The following ICE2 variants were observed in gnomAD, a reference collection of about 807,000 sequenced individuals.
ICE2 encodes interactor of little elongation complex ELL subunit 2, also known as little elongation complex subunit 2.
ICE2 carries 87 observed loss-of-function variants against 105.4 expected under a neutral mutation model. The observed-to-expected ratio is 0.83, with a 90% confidence interval of 0.69 to 0.99. ICE2 has a LOEUF of 0.99. ICE2 is among the 50% of genes least tolerant of loss of function. The probability of loss-of-function intolerance (pLI) is 0.00; values close to 1 mark genes in which losing one functional copy is unlikely to be tolerated. For missense variants in ICE2, 1,323 were observed against 1,146.7 expected (o/e 1.15, Z -2.22); for synonymous variants, 399 against 392.0 (o/e 1.02, Z -0.21).
chr15:60,434,520 TACACACACACACACACAC>T (rs71122858), intron 13 of ICE2, among the ~76,000 whole-genome samples: 11,965 of 144,892 alleles, frequency 0.083, 708 homozygotes, highest in South Asian at 0.15. Context: ...AAAATGTGAT[TACACACACACACACACAC>T]ACACACACAC....
rs1413482039 is a variant in ICE2 at position 60,448,159 on chromosome 15, A to T, written c.2120-14T>A. Reference sequence around the variant, plus strand: ...CATATGGCAATCCTTTAAAAATAGTATTTCTCATTTTTAAAATACATTAGC... The same window carrying T: ...CATATGGCAATCCTTTAAAAATAGTTTTTCTCATTTTTAAAATACATTAGC... On this transcript the variant is annotated splice_polypyrimidine_tract_variant and intron_variant, in intron 10 of 15. Transcript: ENST00000261520. 6.4e-7 allele frequency: 1 copy of T among 1,561,746 alleles called. No homozygotes were observed. Among genetic ancestry groups the T allele is most frequent in the South Asian group, 1.1e-5 (1 of 88,290 alleles).
At position 60,449,499 on chromosome 15, in the gene ICE2, C is replaced by T. The variant is rs1350055492; in HGVS notation, c.1468G>A (p.Glu490Lys). Reference sequence around the variant, plus strand: ...GAATTTGATACCTTTTCACATGATTCAAATCCCTGATCATCTTTATTTTTG... The same window carrying T: ...GAATTTGATACCTTTTCACATGATTTAAATCCCTGATCATCTTTATTTTTG... ...ECKNKDDQGFESCEKVSNSDK... is the reference protein window; with the variant it reads ...ECKNKDDQGFKSCEKVSNSDK... Residue 490 changes from glutamate (E) to lysine (K), a missense_variant, in exon 10 of 16, where the codon GAA becomes AAA. Physicochemically the swap from Glu to Lys is moderately conservative, Grantham distance 56 (BLOSUM62 1). Coordinates refer to ENST00000261520, the MANE Select transcript of ICE2 (RefSeq NM_024611.6). The T allele has an allele frequency of 3.1e-6, 5 of 1,613,962 alleles. No homozygotes were observed. Among genetic ancestry groups the T allele is most frequent in the African/African-American group, 2.7e-5 (2 of 74,914 alleles).
chr15:60,467,944 T>G (rs2064476024), intron 4 of ICE2, 117 bp downstream of exon 4: 1 of 946,528 alleles, frequency 1.1e-6, no homozygotes, highest in Admixed American at 3.1e-5. Context: ...CTCAATCTCC[T>G]TACGTTTTCC....
chr15:60,433,488 CTCTCTT>C (rs960078598), intron 13 of ICE2, among the ~76,000 whole-genome samples: 35 of 151,782 alleles, frequency 2.3e-4, no homozygotes, highest in African/African-American at 7.5e-4. Context: ...CTCTCCCTCC[CTCTCTT>C]TATTTTTATT....
intron 5 of ICE2, among the ~76,000 whole-genome samples, chr15:60,466,227 C>A (rs944965727): frequency 2.6e-5 from 4 of 152,124 alleles, no homozygotes; most frequent in Admixed American, 2.6e-4. Context: ...ATAATGAGCA[C>A]AAGTTCACTT....
At position 60,449,145 on chromosome 15, in the gene ICE2, A is replaced by AATTTGGACT. The variant is rs749543773; in HGVS notation, c.1813_1821dup (p.Pro606_Ser608dup). 1.2e-6 allele frequency: 2 copies of AATTTGGACT among 1,614,074 alleles called. No homozygotes were observed. The highest frequency in any genetic ancestry group is 1.1e-5 in the South Asian group (1 of 91,078). On this transcript the variant is annotated inframe_insertion, in exon 10 of 16. Transcript: ENST00000261520. ...CCTACAGAAGCCTGTCCTGAGGAAG[A>AATTTGGACT]ATTTGGACTAGCTGGTCTGGAACTT...
At chr15:60,427,135 C>T (rs1169826615) in intron 15 of ICE2, among the ~76,000 whole-genome samples, 2 of 152,170 alleles carry the variant, frequency 1.3e-5, no homozygotes, top group African/African-American at 4.8e-5. Context: ...AACTGAAAGA[C>T]ATAAACAAAC....
rs1238103902 is a variant in ICE2, at chr15:60,436,293, G to GTTATC, written c.2426-71_2426-67dup. 13 of 559,818 alleles carry GTTATC rather than the reference G, an allele frequency of 2.3e-5. No individual in the cohort carries two copies. The South Asian group carries it at 4.1e-4, about 18-fold the overall frequency. 34.7% of individuals were successfully genotyped at this position (559,818 alleles called of 1,614,324 possible). ...AGTATTTAGAAAAAAAAAAAACCAA[G>GTTATC]TTATCCTGTCTCCTTAAAGATTACA... On this transcript the variant is annotated intron_variant, in intron 12 of 15. Coordinates refer to ENST00000261520, the MANE Select transcript of ICE2 (RefSeq NM_024611.6).
chr15:60,457,520 TTTAGGTCACAAAAGCTC>T (rs2064159107), intron 5 of ICE2, among the ~76,000 whole-genome samples: 1 of 152,164 alleles, frequency 6.6e-6, no homozygotes, highest in Admixed American at 6.5e-5. Context: ...TAGAAAATAT[TTTAGGTCACAAAAGCTC>T]TTGACATCTT....
chr15:60,478,179 C>T lies in ICE2; in HGVS notation c.-92-110G>A, dbSNP rs950171971. On this transcript the variant is annotated intron_variant, in intron 1 of 15. Transcript: ENST00000261520. ...CATCTACCCTCAACAGACTGTGGCA[C>T]CTAAAACAGAATACAGCAGACCCAA... The T allele has an allele frequency of 2.9e-5, 17 of 591,902 alleles. 1 individual carries two copies. Among genetic ancestry groups the T allele is most frequent in the Middle Eastern group, 3.7e-4 (1 of 2,732 alleles). 36.7% of individuals were successfully genotyped at this position (591,902 alleles called of 1,614,324 possible).
At chr15:60,436,363 TAC>T (rs987125241) in intron 12 of ICE2, 136 bp from the exon 13 acceptor site, 5 of 440,210 alleles carry the variant, frequency 1.1e-5, no homozygotes, top group African/African-American at 2.1e-5. Context: ...AAAGGAGAAA[TAC>T]ACATTTTATT....
chr15:60,428,105 A>G (rs1233748298), intron 15 of ICE2, among the ~76,000 whole-genome samples: 1 of 152,222 alleles, frequency 6.6e-6, no homozygotes, highest in Non-Finnish European at 1.5e-5. Flanking sequence ...TATATAAATA[A>G]AAATTACAAA....
rs1421288875 is a variant in ICE2, at chr15:60,472,930, TG to T, written c.146+3132del. ...GAAAAGTTCAAATAAGTTGTTTTTT[TG>T]TTTTTTTTTAATTTGAGATAAGGTC... On this transcript the variant is annotated intron_variant, in intron 3 of 15. Transcript: ENST00000261520. 2.0e-5 allele frequency among the ~76,000 whole-genome samples: 3 copies of T among 152,192 alleles called. No homozygotes were observed. In the East Asian group the frequency reaches 5.8e-4, roughly 29 times the overall value.
intron 11 of ICE2, among the ~76,000 whole-genome samples, chr15:60,444,511 C>A (rs2141043599): frequency 6.6e-6 from 1 of 152,112 alleles, no homozygotes; most frequent in African/African-American, 2.4e-5. Flanking sequence ...CAAGTAAAAG[C>A]TTTTCTTGGT....
intron 14 of ICE2, among the ~76,000 whole-genome samples, chr15:60,429,343 T>G (rs565227806): frequency 6.6e-6 from 1 of 152,228 alleles, no homozygotes; most frequent in Non-Finnish European, 1.5e-5. Flanking sequence ...AAATTAGAGA[T>G]GCTAAGCAAT....
Position 60,456,791 on chromosome 15 carries a change from T to C in ICE2, c.532A>G (p.Ile178Val). The change falls in exon 6 of 16, where the codon ATT (isoleucine) becomes GTT (valine). Residue 178 changes from isoleucine to valine, a missense_variant. Transcript: ENST00000261520. ...SDDARLFTEK[I>V]LRACIEQVKK... is the part of the protein sequence containing the mutation. The stretch of plus-strand genomic sequence containing the variant: ...ACTTGTTCAATGCAAGCTCTTAAAA[T>C]TTTCTGAGAAACAGAAATTAAGAAA... The C allele has an allele frequency of 6.8e-7, 1 of 1,475,156 alleles. No individual in the cohort carries two copies. Among genetic ancestry groups the C allele is most frequent in the South Asian group, 1.4e-5 (1 of 69,340 alleles). The allele number at this position is 1,475,156 out of a possible 1,614,324, so 91.4% of individuals were successfully genotyped here.
intron 13 of ICE2, among the ~76,000 whole-genome samples, 182 bp downstream of exon 13, chr15:60,435,961 A>G (rs35482646): frequency 0.095 from 14,538 of 152,260 alleles, 899 homozygotes; most frequent in Middle Eastern, 0.21. Context: ...TGACAGAACG[A>G]GACTGTCTCA....
At chr15:60,465,592 T>C (rs2064400788) in intron 5 of ICE2, among the ~76,000 whole-genome samples, 2 of 152,188 alleles carry the variant, frequency 1.3e-5, no homozygotes, top group Non-Finnish European at 2.9e-5. Flanking sequence ...TATCCCTTTT[T>C]AAGTGTAGAG....
chr15:60,444,918 C>G (rs2063791001), intron 11 of ICE2, among the ~76,000 whole-genome samples: 1 of 152,138 alleles, frequency 6.6e-6, no homozygotes, highest in African/African-American at 2.4e-5. Context: ...CTCCTGAGCT[C>G]AGCTGATCTA....
Sources: allele counts gnomAD v4.1 joint callset (sites outside exome capture counted in the v4.1 genomes callset), GRCh38; gene constraint gnomAD v4.1.1; transcripts MANE v1.5; gene names NCBI Gene and HGNC (gene_info 2026-07-23, HGNC 2026-07-21).